ZNF292: variants seen among roughly 807,000 people sequenced by gnomAD.
The protein encoded by ZNF292 is 16 zinc-finger domain protein.
Under a neutral mutation model 217.9 loss-of-function variants are expected in ZNF292, and 26 were observed. The ratio of observed to expected loss-of-function variants is 0.12; its 90% CI spans 0.09 to 0.17. ZNF292 has a LOEUF of 0.17. Ranked by LOEUF, ZNF292 falls within the 10% of genes least tolerant of loss-of-function variation. ZNF292 has a pLI of 1.00. For missense variants in ZNF292, 2,904 were observed against 3,175.2 expected (o/e 0.91, Z 2.05); for synonymous variants, 1,257 against 1,124.1 (o/e 1.12, Z -2.37).
rs1452928140 is a variant in ZNF292 at position 87,262,766 on chromosome 6, A to AT, written c.*971dup. 2.0e-5 allele frequency: 3 copies of AT among 151,972 alleles called. No individual in the cohort carries two copies. The highest frequency in any genetic ancestry group is 3.9e-4 in the East Asian group (2 of 5,180). 9.4% of individuals were successfully genotyped at this position (151,972 alleles called of 1,614,324 possible). A position where few individuals can be genotyped will look rare whatever the true frequency, so the allele number is the denominator to read the frequency against. ...GTTTTATACATGTGATCTTATAAAG[A>AT]TTTTTTGTTTTGTTTTGTTTTCCAT... is the stretch of plus-strand genomic sequence containing the variant. On this transcript the variant is annotated 3_prime_UTR_variant, in exon 8 of 8. Coordinates refer to ENST00000369577, the MANE Select transcript of ZNF292 (RefSeq NM_015021.3).
chr6:87,232,922 G>T (rs1773726273), intron 4 of ZNF292, among the ~76,000 whole-genome samples: 1 of 151,992 alleles, frequency 6.6e-6, no homozygotes, highest in Non-Finnish European at 1.5e-5. Context: ...GCTTTTTGTG[G>T]TTACTCATCG....
rs1290037542 is a variant in ZNF292 at position 87,261,882 on chromosome 6, T to C, written c.*81T>C. The C allele has an allele frequency of 2.9e-6, 3 of 1,027,420 alleles. No individual in the cohort carries two copies. Among genetic ancestry groups the C allele is most frequent in the East Asian group, 2.8e-5 (1 of 36,324 alleles). 63.6% of individuals were successfully genotyped at this position (1,027,420 alleles called of 1,614,324 possible). A position where few individuals can be genotyped will look rare whatever the true frequency, so the allele number is the denominator to read the frequency against. ...CAAGCATGCTAGAATTGTGAAACTTTCATTATATTTTTTTGTTGTTGACAT... is the reference window on the plus strand; with the variant it reads ...CAAGCATGCTAGAATTGTGAAACTTCCATTATATTTTTTTGTTGTTGACAT... On this transcript the variant is annotated 3_prime_UTR_variant, in exon 8 of 8. Transcript: ENST00000369577.
chr6:87,210,557 G>A (rs1234979942), intron 1 of ZNF292, among the ~76,000 whole-genome samples: 12 of 151,824 alleles, frequency 7.9e-5, no homozygotes, highest in African/African-American at 2.2e-4. Context: ...TGAAGCGGGC[G>A]GATCACGAGG....
At chr6:87,238,858 T>C (rs1329103225) in intron 5 of ZNF292, among the ~76,000 whole-genome samples, 1 of 151,310 alleles carries the variant, frequency 6.6e-6, no homozygotes, top group African/African-American at 2.4e-5. Context: ...CCCTGGATAC[T>C]TGAGATTAGG....
At chr6:87,219,042 A>G (rs1055517181) in intron 4 of ZNF292, among the ~76,000 whole-genome samples, 1 of 152,150 alleles carries the variant, frequency 6.6e-6, no homozygotes, top group Non-Finnish European at 1.5e-5. Context: ...GATAGTTGGG[A>G]GAAACAGAAA....
chr6:87,172,212 A>G (rs1230263632), intron 1 of ZNF292, among the ~76,000 whole-genome samples: 1 of 152,210 alleles, frequency 6.6e-6, no homozygotes, highest in Admixed American at 6.5e-5. Flanking sequence ...TTTTCTCTTT[A>G]GAACAATTTA....
At position 87,259,725 on chromosome 6, in the gene ZNF292, C is replaced by T. The variant is rs746262981; in HGVS notation, c.6096C>T (p.Thr2032=). The T allele has an allele frequency of 3.1e-6, 5 of 1,603,422 alleles. No homozygotes were observed. Among genetic ancestry groups the T allele is most frequent in the Non-Finnish European group, 2.6e-6 (3 of 1,174,780 alleles). The change falls in exon 8 of 8, where the codon ACC becomes ACT. Residue 2032 remains threonine, a synonymous_variant. Transcript: ENST00000369577. Reference sequence around the variant, plus strand: ...AATTGAGAGCAGAGACCCAAAATACCCACAGTAATGTAGCAGTGATCCCAG... The same window carrying T: ...AATTGAGAGCAGAGACCCAAAATACTCACAGTAATGTAGCAGTGATCCCAG... The part of the protein sequence containing the change: ...ALELRAETQN[T]HSNVAVIPEK...
chr6:87,197,316 T>C lies in ZNF292; in HGVS notation c.169-18587T>C, dbSNP rs574978335. Among the ~76,000 whole-genome samples the C allele has an allele frequency of 4.0e-4, 61 of 152,270 alleles. 1 individual carries two copies. Among genetic ancestry groups the C allele is most frequent in the African/African-American group, 1.4e-3 (57 of 41,544 alleles). On this transcript the variant is annotated intron_variant, in intron 1 of 7. Transcript: ENST00000369577. ...GTTGCTCTTCTGGAAATCTATCCCA[T>C]AGCAGAAAATTTAGTATTTCATTTA...
chr6:87,219,408 A>G (rs1264152698), intron 4 of ZNF292, among the ~76,000 whole-genome samples: 3 of 152,186 alleles, frequency 2.0e-5, no homozygotes, highest in African/African-American at 7.2e-5. Context: ...AAAAAATTGT[A>G]ATATATCTAA....
Position 87,258,122 on chromosome 6 carries a change from G to T in ZNF292, c.4493G>T (p.Gly1498Val), listed in dbSNP as rs763635451. Reference protein sequence around the residue: ...EIIKQALETAGIPSTFEGAEM... With the variant: ...EIIKQALETAVIPSTFEGAEM... ...ATTAAACAGGCTTTGGAAACTGCTGGCATTCCCAGTACATTTGAGGGTGCC... is the reference window on the plus strand; with the variant it reads ...ATTAAACAGGCTTTGGAAACTGCTGTCATTCCCAGTACATTTGAGGGTGCC... The change falls in exon 8 of 8, where the codon GGC becomes GTC. Residue 1498 changes from glycine to valine, a missense_variant. Physicochemically the swap from Gly to Val is moderately radical, Grantham distance 109 (BLOSUM62 -3). Transcript: ENST00000369577. 2 of 1,612,462 alleles carry T rather than the reference G, an allele frequency of 1.2e-6. No homozygotes were observed. The highest frequency in any genetic ancestry group is 1.7e-6 in the Non-Finnish European group (2 of 1,179,226).
intron 4 of ZNF292, among the ~76,000 whole-genome samples, chr6:87,224,941 A>G (rs190527141): frequency 3.2e-4 from 48 of 152,274 alleles, no homozygotes; most frequent in African/African-American, 1.1e-3. Context: ...TTGAAAAAAA[A>G]CTGTCTTCTA....
intron 1 of ZNF292, among the ~76,000 whole-genome samples, chr6:87,197,524 C>T (rs531208115): frequency 6.2e-4 from 93 of 149,600 alleles, no homozygotes; most frequent in Admixed American, 2.1e-3. Flanking sequence ...TACCTGAGGT[C>T]GGGAGTTCGA....
intron 1 of ZNF292, among the ~76,000 whole-genome samples, chr6:87,204,602 C>T (rs958083599): frequency 1.8e-5 from 2 of 108,414 alleles, no homozygotes; most frequent in Non-Finnish European, 3.4e-5. Context: ...TCGCTCTTAT[C>T]GCCCAGGCTG....
Position 87,254,574 on chromosome 6 carries a change from T to C in ZNF292, c.1021-76T>C, listed in dbSNP as rs1775105253. 7 of 1,387,718 alleles carry C rather than the reference T, an allele frequency of 5.0e-6. No individual in the cohort carries two copies. In the Admixed American group the frequency reaches 1.6e-4, roughly 31 times the overall value. The allele number at this position is 1,387,718 out of a possible 1,614,324, so 86.0% of individuals were successfully genotyped here. On this transcript the variant is annotated intron_variant, in intron 7 of 7. Coordinates refer to ENST00000369577, the MANE Select transcript of ZNF292 (RefSeq NM_015021.3). ...AAGATTTGAGTAAAACAAATCTCAATCTTAACTAAATTCTGAAATAAATTA... is the reference window on the plus strand; with the variant it reads ...AAGATTTGAGTAAAACAAATCTCAACCTTAACTAAATTCTGAAATAAATTA...
intron 1 of ZNF292, among the ~76,000 whole-genome samples, chr6:87,178,201 G>A (rs1439447044): frequency 7.8e-6 from 1 of 128,626 alleles, no homozygotes; most frequent in African/African-American, 3.4e-5. Flanking sequence ...GTTTTTCATA[G>A]TTTCTTTGTA....
At chr6:87,246,040 G>A (rs950264297) in intron 7 of ZNF292, among the ~76,000 whole-genome samples, 2 of 152,098 alleles carry the variant, frequency 1.3e-5, no homozygotes, top group South Asian at 2.1e-4. Context: ...AGACCAACCT[G>A]GCCAATATAG....
chr6:87,191,676 A>G (rs1323099377), intron 1 of ZNF292, among the ~76,000 whole-genome samples: 1 of 151,988 alleles, frequency 6.6e-6, no homozygotes, highest in African/African-American at 2.4e-5. Context: ...TATTTTATTT[A>G]TTTATTTTGA....
Position 87,258,721 on chromosome 6 carries a change from T to A in ZNF292, c.5092T>A (p.Phe1698Ile), listed in dbSNP as rs536616082. 6.2e-7 allele frequency: 1 copy of A among 1,613,446 alleles called. No homozygotes were observed. The highest frequency in any genetic ancestry group is 8.5e-7 in the Non-Finnish European group (1 of 1,179,694). Residue 1698 changes from phenylalanine to isoleucine, a missense_variant, in exon 8 of 8, where the codon TTT becomes ATT. Transcript: ENST00000369577. Reference sequence around the variant, plus strand: ...ATTAAATAATGTTAACAATCAGTTATTTATGACTGATGTAAAAGAGAATTT... The same window carrying A: ...ATTAAATAATGTTAACAATCAGTTAATTATGACTGATGTAAAAGAGAATTT... ...QKLNNVNNQL[F>I]MTDVKENFKT...
chr6:87,242,794 A>G (rs1774362678), intron 5 of ZNF292, among the ~76,000 whole-genome samples: 1 of 152,202 alleles, frequency 6.6e-6, no homozygotes, highest in African/African-American at 2.4e-5. Flanking sequence ...TAATTTTTTT[A>G]AAAAGAAATC....
Sources: gnomAD v4.1 joint callset for allele counts (sites outside exome capture counted in the v4.1 genomes callset) on GRCh38, gnomAD v4.1.1 for gene constraint, MANE v1.5 for transcripts, NCBI Gene and HGNC (gene_info 2026-07-23, HGNC 2026-07-21) for gene names.